The following SMOC1 variants were observed in gnomAD, a reference collection of about 807,000 sequenced individuals.
SMOC1 encodes the protein SPARC-related modular calcium-binding protein 1.
SMOC1 carries 22 observed loss-of-function variants against 56.3 expected under a neutral mutation model. That is an observed-to-expected ratio of 0.39 (90% CI 0.28 to 0.56). The LOEUF (loss-of-function observed/expected upper bound fraction) is 0.56. SMOC1 is among the 20% of genes least tolerant of loss of function. SMOC1 has a pLI of 0.61. For missense variants in SMOC1, 509 were observed against 565.4 expected (o/e 0.90, Z 1.01); for synonymous variants, 193 against 215.0 (o/e 0.90, Z 0.89).
chr14:69,901,968 C>T (rs1026720056), intron 1 of SMOC1, among the ~76,000 whole-genome samples: 7 of 152,294 alleles, frequency 4.6e-5, no homozygotes, highest in African/African-American at 1.4e-4. Context: ...TGGGGAACAC[C>T]GTCCCTCACT....
At chr14:69,970,115 A>T (rs547311751) in intron 3 of SMOC1, among the ~76,000 whole-genome samples, 61 of 152,284 alleles carry the variant, frequency 4.0e-4, no homozygotes, top group African/African-American at 1.4e-3. Flanking sequence ...AGCCCGCAGC[A>T]GGTGGAGGCG....
intron 7 of SMOC1, among the ~76,000 whole-genome samples, chr14:70,000,831 A>T (rs1434700665): frequency 6.6e-6 from 1 of 152,088 alleles, no homozygotes; most frequent in African/African-American, 2.4e-5. Context: ...ACACCTCCTC[A>T]CCCATGACAC....
chr14:69,919,460 C>G (rs1395371184), intron 1 of SMOC1, among the ~76,000 whole-genome samples: 1 of 152,182 alleles, frequency 6.6e-6, no homozygotes, highest in Non-Finnish European at 1.5e-5. Context: ...ATAATTTAAC[C>G]ACTTCAATTA....
At chr14:69,909,467 C>T (rs567319378) in intron 1 of SMOC1, among the ~76,000 whole-genome samples, 15 of 152,196 alleles carry the variant, frequency 9.9e-5, no homozygotes, top group Non-Finnish European at 1.3e-4. Context: ...TGCTGACCTC[C>T]GAAGTTCCCA....
chr14:70,010,077 T>C (rs945682468), intron 7 of SMOC1, among the ~76,000 whole-genome samples: 2 of 152,162 alleles, frequency 1.3e-5, no homozygotes, highest in Non-Finnish European at 2.9e-5. Flanking sequence ...CATGCTCATG[T>C]GTTACTGAGG....
At chr14:69,881,252 C>T (rs1033394835) in intron 1 of SMOC1, among the ~76,000 whole-genome samples, 1 of 152,080 alleles carries the variant, frequency 6.6e-6, no homozygotes, top group Non-Finnish European at 1.5e-5. Context: ...TGAGGTCAGG[C>T]GAGCCATGCG....
chr14:69,967,817 A>T (rs1157760402), intron 3 of SMOC1, among the ~76,000 whole-genome samples: 2 of 152,164 alleles, frequency 1.3e-5, no homozygotes, highest in African/African-American at 2.4e-5. Context: ...TTGTCTCCAA[A>T]ACCATGTTTT....
intron 1 of SMOC1, among the ~76,000 whole-genome samples, chr14:69,924,637 G>A (rs1189592900): frequency 6.6e-6 from 1 of 150,758 alleles, no homozygotes; most frequent in Non-Finnish European, 1.5e-5. Context: ...GGGAGGTAGA[G>A]GAGTTAGGGA....
At chr14:69,993,551 G>A (rs113737663) in intron 6 of SMOC1, among the ~76,000 whole-genome samples, 3 of 152,292 alleles carry the variant, frequency 2.0e-5, no homozygotes, top group East Asian at 1.9e-4. Flanking sequence ...ATCATGCCAC[G>A]GGTTAACACT....
chr14:69,975,797 A>T lies in SMOC1; in HGVS notation c.461A>T (p.Lys154Ile). 1 of 1,612,278 alleles carries T rather than the reference A, an allele frequency of 6.2e-7. No homozygotes were observed. Among genetic ancestry groups the T allele is most frequent in the Non-Finnish European group, 8.5e-7 (1 of 1,179,660 alleles). ...KPISGSSVQN[K>I]TPVCSGSVTD... ...ATCAGTGGCTCTTCTGTGCAGAATAAAACTCCTGTATGTTCAGGTACCGTA... is the reference window on the plus strand; with the variant it reads ...ATCAGTGGCTCTTCTGTGCAGAATATAACTCCTGTATGTTCAGGTACCGTA... The change falls in exon 4 of 12, where the codon AAA becomes ATA. Residue 154 changes from lysine to isoleucine, a missense_variant. Lys to Ile is a moderately radical substitution (Grantham distance 102, BLOSUM62 -3). This residue lies in a region of SMOC1 where 315 missense variants were observed against 333.1 expected (regional missense o/e 0.95). Coordinates refer to ENST00000361956, the MANE Select transcript of SMOC1 (RefSeq NM_001034852.3).
At chr14:69,901,812 G>A (rs1884248203) in intron 1 of SMOC1, among the ~76,000 whole-genome samples, 1 of 152,230 alleles carries the variant, frequency 6.6e-6, no homozygotes, top group Non-Finnish European at 1.5e-5. Flanking sequence ...ATTCCATGAT[G>A]CATTGGGAGA....
chr14:69,992,142 T>C (rs1884588400), intron 5 of SMOC1, among the ~76,000 whole-genome samples: 1 of 152,202 alleles, frequency 6.6e-6, no homozygotes, highest in African/African-American at 2.4e-5. Flanking sequence ...CTCAGATTTG[T>C]GAGAAACGGT....
intron 1 of SMOC1, among the ~76,000 whole-genome samples, chr14:69,926,241 G>A (rs576784725): frequency 9.2e-5 from 14 of 152,338 alleles, no homozygotes; most frequent in African/African-American, 2.9e-4. Context: ...AAGCCACTCA[G>A]ATCTCTGAAT....
chr14:70,004,801 A>G (rs1885091438), intron 7 of SMOC1, among the ~76,000 whole-genome samples: 1 of 152,228 alleles, frequency 6.6e-6, no homozygotes, highest in African/African-American at 2.4e-5. Flanking sequence ...ACATACACAC[A>G]TACATATACG....
chr14:69,957,621 A>G (rs922135972), intron 3 of SMOC1, among the ~76,000 whole-genome samples: 2 of 152,226 alleles, frequency 1.3e-5, no homozygotes, highest in Admixed American at 6.5e-5. Context: ...AATCAATGAA[A>G]CAAACATTTT....
At chr14:69,886,443 C>T (rs1227491445) in intron 1 of SMOC1, among the ~76,000 whole-genome samples, 1 of 152,152 alleles carries the variant, frequency 6.6e-6, no homozygotes, top group Non-Finnish European at 1.5e-5. Context: ...AACCTGAACC[C>T]CTGCTGTTGT....
chr14:69,992,335 C>T (rs1362721273), intron 5 of SMOC1, 82 bp from the exon 6 acceptor site: 6 of 1,395,338 alleles, frequency 4.3e-6, no homozygotes, highest in South Asian at 3.5e-5. Context: ...CAAACCCCAA[C>T]CATTCAACAG....
At chr14:70,003,518 G>A (rs1324128281) in intron 7 of SMOC1, among the ~76,000 whole-genome samples, 1 of 152,170 alleles carries the variant, frequency 6.6e-6, no homozygotes, top group East Asian at 1.9e-4. Context: ...CTAGAATTCT[G>A]TGAGAGGGGT....
intron 3 of SMOC1, among the ~76,000 whole-genome samples, chr14:69,964,443 T>C (rs1309884902): frequency 1.3e-5 from 2 of 150,922 alleles, no homozygotes; most frequent in Admixed American, 6.6e-5. Context: ...AGTGGCGCGA[T>C]CTTGGCTCAC....
Sources: allele counts gnomAD v4.1 joint callset (sites outside exome capture counted in the v4.1 genomes callset), GRCh38; gene constraint gnomAD v4.1.1; regional missense constraint gnomAD v4.1.1; transcripts MANE v1.5; gene names NCBI Gene and HGNC (gene_info 2026-07-23, HGNC 2026-07-21).